The following ZNF572 variants were observed in gnomAD, a reference collection of about 807,000 sequenced individuals.
ZNF572 encodes the protein zinc finger protein 572.
ZNF572 carries 2 observed loss-of-function variants against 3.8 expected under a neutral mutation model. The ratio of observed to expected loss-of-function variants is 0.52; its 90% CI spans 0.21 to 1.65. The LOEUF (loss-of-function observed/expected upper bound fraction) is 1.65. Ranked by LOEUF, ZNF572 falls within the 40% of genes most tolerant of loss-of-function variation. The pLI is 0.20. For missense variants in ZNF572, 581 were observed against 633.4 expected (o/e 0.92, Z 0.89); for synonymous variants, 187 against 204.5 (o/e 0.91, Z 0.73).
chr8:124,976,771 G>C lies in ZNF572; in HGVS notation c.503G>C (p.Cys168Ser). The change falls in exon 3 of 3, where the codon TGT becomes TCT. Residue 168 changes from cysteine to serine, a missense_variant. Cys to Ser is a moderately radical substitution (Grantham distance 112). Transcript: ENST00000319286. ...TATAAATGCTCTGAGTGTGCAAAAT[G>C]TTTTTGTAACAGTTCTCACCTGATT... ...KPYKCSECAK[C>S]FCNSSHLIQH... 1 of 1,614,180 alleles carries C rather than the reference G, an allele frequency of 6.2e-7. No individual in the cohort carries two copies. Among genetic ancestry groups the C allele is most frequent in the Non-Finnish European group, 8.5e-7 (1 of 1,180,024 alleles).
intron 1 of ZNF572, among the ~76,000 whole-genome samples, chr8:124,974,525 A>G (rs1339005687): frequency 1.3e-5 from 2 of 152,242 alleles, no homozygotes; most frequent in Middle Eastern, 3.2e-3. Context: ...CAATATAAGT[A>G]CATATACTAT....
In ZNF572 at chr8:124,976,952, C is replaced by G; in HGVS notation, c.684C>G (p.Ser228Arg). ...AGTGTGGGAAGAGATTCAGCAGCAG[C>G]TCTCACCTTATTCAGCATCACAGAT... ...CPECGKRFSS[S>R]SHLIQHHRSH... is the part of the protein sequence containing the mutation. Residue 228 changes from serine (S) to arginine (R), a missense_variant, in exon 3 of 3, where the codon AGC (serine) becomes AGG (arginine). Physicochemically the swap from Ser to Arg is moderately radical, Grantham distance 110. Coordinates refer to ENST00000319286, the MANE Select transcript of ZNF572 (RefSeq NM_152412.3). The G allele has an allele frequency of 1.2e-6, 2 of 1,614,168 alleles. No homozygotes were observed. The highest frequency in any genetic ancestry group is 1.7e-6 in the Non-Finnish European group (2 of 1,180,026).
At position 124,977,211 on chromosome 8, in the gene ZNF572, C is replaced by G; in HGVS notation, c.943C>G (p.Leu315Val). ...CEKSFGCNST[L>V]IKHQRIHTGE... ...AAAAAGCTTTGGTTGTAATTCTACT[C>G]TAATAAAACATCAGAGAATACATAC... Residue 315 changes from leucine (L) to valine (V), a missense_variant, in exon 3 of 3, where the codon CTA (leucine) becomes GTA (valine). Transcript: ENST00000319286. The G allele has an allele frequency of 1.2e-6, 2 of 1,612,176 alleles. No homozygotes were observed. The highest frequency in any genetic ancestry group is 1.7e-6 in the Non-Finnish European group (2 of 1,180,014).
In ZNF572 at chr8:124,976,840, G is replaced by C. The variant is rs1157605022; in HGVS notation, c.572G>C (p.Gly191Ala). 5 of 1,611,896 alleles carry C rather than the reference G, an allele frequency of 3.1e-6. No individual in the cohort carries two copies. Among genetic ancestry groups the C allele is most frequent in the Non-Finnish European group, 4.2e-6 (5 of 1,179,306 alleles). The change falls in exon 3 of 3, where the codon GGT becomes GCT. Residue 191 changes from glycine (G) to alanine (A), a missense_variant. Physicochemically the swap from Gly to Ala is moderately conservative, Grantham distance 60 (BLOSUM62 0). Coordinates refer to ENST00000319286, the MANE Select transcript of ZNF572 (RefSeq NM_152412.3). The stretch of plus-strand genomic sequence containing the variant: ...ACAGGAGAGAAGCCCTACCAGTGTG[G>C]TGAATGTGGGAAAAGCTTCAGCAAT... ...MHTGEKPYQCGECGKSFSNTS... is the reference protein window; with the variant it reads ...MHTGEKPYQCAECGKSFSNTS...
rs749776801 is a variant in ZNF572, at chr8:124,977,122, C to A, written c.854C>A (p.Ser285Tyr). 2 of 1,608,784 alleles carry A rather than the reference C, an allele frequency of 1.2e-6. No individual in the cohort carries two copies. Among genetic ancestry groups the A allele is most frequent in the Non-Finnish European group, 1.7e-6 (2 of 1,179,976 alleles). The part of the protein sequence containing the change: ...PDCGKSFSQS[S>Y]SLIRHQRTHT... ...TGTGGGAAGAGTTTTAGTCAGAGTT[C>A]CAGCCTCATTCGCCACCAGCGGACA... Residue 285 changes from serine to tyrosine, a missense_variant, in exon 3 of 3, where the codon TCC becomes TAC. Transcript: ENST00000319286.
chr8:124,977,986 C>T lies in ZNF572; in HGVS notation c.*128C>T. 1 of 1,092,406 alleles carries T rather than the reference C, an allele frequency of 9.2e-7. No individual in the cohort carries two copies. The highest frequency in any genetic ancestry group is 1.3e-6 in the Non-Finnish European group (1 of 790,354). The allele number at this position is 1,092,406 out of a possible 1,614,324, so 67.7% of individuals were successfully genotyped here. A position where few individuals can be genotyped will look rare whatever the true frequency, so the allele number is the denominator to read the frequency against. Reference sequence around the variant, plus strand: ...CAAAACATTTGGAAAAAGTCAACCTCCCAGTTTAAAGGATGGGAAGACCCC... The same window carrying T: ...CAAAACATTTGGAAAAAGTCAACCTTCCAGTTTAAAGGATGGGAAGACCCC... On this transcript the variant is annotated 3_prime_UTR_variant, in exon 3 of 3. Transcript: ENST00000319286.
At chr8:124,973,460 A>G (rs1186819039) in intron 1 of ZNF572, 44 bp downstream of exon 1, 1 of 152,300 alleles carries the variant, frequency 6.6e-6, no homozygotes, top group African/African-American at 2.4e-5. Flanking sequence ...GTTGCGGGCT[A>G]GAGGAGTGGA....
At chr8:124,974,011 C>CT (rs1464754165) in intron 1 of ZNF572, among the ~76,000 whole-genome samples, 3 of 152,136 alleles carry the variant, frequency 2.0e-5, no homozygotes, top group South Asian at 2.1e-4. Flanking sequence ...CACCCCCTTC[C>CT]TTTTTTTGCA....
rs138574169 is a variant in ZNF572, at chr8:124,976,524, T to C, written c.256T>C (p.Tyr86His). 3 of 1,614,044 alleles carry C rather than the reference T, an allele frequency of 1.9e-6. No homozygotes were observed. Among genetic ancestry groups the C allele is most frequent in the African/African-American group, 2.7e-5 (2 of 74,928 alleles). Residue 86 changes from tyrosine (Y) to histidine (H), a missense_variant, in exon 3 of 3, where the codon TAT (tyrosine) becomes CAT (histidine). Physicochemically the swap from Tyr to His is moderately conservative, Grantham distance 83 (BLOSUM62 2). Coordinates refer to ENST00000319286, the MANE Select transcript of ZNF572 (RefSeq NM_152412.3). ...AGATGAGATTTGGTGTCATGATTCC[T>C]ATGAGAGTGATGGCAAGTCAGAGAA... ...VQDEIWCHDS[Y>H]ESDGKSENWG...
rs772982316 is a variant in ZNF572, at chr8:124,975,603, C to T, written c.-35-3C>T. ...TCCAAACATAATTTATTTCCTTCCA[C>T]AGGGTTTCTGATCTCTAACTTGGCT... On this transcript the variant is annotated splice_polypyrimidine_tract_variant and splice_region_variant and intron_variant, in intron 1 of 2. Coordinates refer to ENST00000319286, the MANE Select transcript of ZNF572 (RefSeq NM_152412.3). 6.5e-7 allele frequency: 1 copy of T among 1,527,670 alleles called. No homozygotes were observed. The highest frequency in any genetic ancestry group is 9.1e-7 in the Non-Finnish European group (1 of 1,101,938). 94.6% of individuals were successfully genotyped at this position (1,527,670 alleles called of 1,614,324 possible).
chr8:124,974,307 C>T (rs1202864550), intron 1 of ZNF572, among the ~76,000 whole-genome samples: 5 of 152,206 alleles, frequency 3.3e-5, no homozygotes, highest in Admixed American at 3.3e-4. Context: ...TGAAAAAGGT[C>T]AGCATCCAAA....
At chr8:124,973,904 G>T (rs1334081720) in intron 1 of ZNF572, among the ~76,000 whole-genome samples, 1 of 152,146 alleles carries the variant, frequency 6.6e-6, no homozygotes, top group Non-Finnish European at 1.5e-5. Context: ...TGGGGGAGAT[G>T]GTAATGTGTT....
Position 124,976,967 on chromosome 8 carries a change from G to A in ZNF572, c.699G>A (p.Gln233=), listed in dbSNP as rs374716833. ...KRFSSSSHLI[Q]HHRSHTGEKP... is the part of the protein sequence containing the mutation. Reference sequence around the variant, plus strand: ...TCAGCAGCAGCTCTCACCTTATTCAGCATCACAGATCACATACAGGTGAAA... The same window carrying A: ...TCAGCAGCAGCTCTCACCTTATTCAACATCACAGATCACATACAGGTGAAA... The change falls in exon 3 of 3, where the codon CAG becomes CAA. Residue 233 remains glutamine (Q), a synonymous_variant. Transcript: ENST00000319286. The A allele has an allele frequency of 6.2e-7, 1 of 1,614,004 alleles. No homozygotes were observed. Among genetic ancestry groups the A allele is most frequent in the African/African-American group, 1.3e-5 (1 of 74,902 alleles).
intron 1 of ZNF572, among the ~76,000 whole-genome samples, chr8:124,974,638 T>C (rs565191625): frequency 3.3e-5 from 5 of 152,332 alleles, no homozygotes; most frequent in African/African-American, 1.2e-4. Context: ...CAAAAGTCCA[T>C]ATGTCACTGC....
rs10107774 is a variant in ZNF572, at chr8:124,977,610, A to T, written c.1342A>T (p.Ser448Cys). The T allele has an allele frequency of 0.041, 66,453 of 1,614,150 alleles. 2,377 individuals carry two copies. Among genetic ancestry groups the T allele is most frequent in the African/African-American group, 0.19 (14,352 of 74,996 alleles). The change falls in exon 3 of 3, where the codon AGC becomes TGC. Residue 448 changes from serine (S) to cysteine (C), a missense_variant. Ser to Cys is a moderately radical substitution (Grantham distance 112, BLOSUM62 -1). Transcript: ENST00000319286. The part of the protein sequence containing the change: ...KPYKCPDCGE[S>C]FSQSFNLIRH... ...TTATAAATGTCCTGATTGTGGTGAA[A>T]GCTTCAGTCAGAGCTTTAACCTTAT...
Position 124,978,827 on chromosome 8 carries a change from T to C in ZNF572, c.*969T>C, listed in dbSNP as rs1814549871. 6.6e-6 allele frequency: 1 copy of C among 152,230 alleles called. No homozygotes were observed. Among genetic ancestry groups the C allele is most frequent in the Non-Finnish European group, 1.5e-5 (1 of 68,042 alleles). 9.4% of individuals were successfully genotyped at this position (152,230 alleles called of 1,614,324 possible). A position where few individuals can be genotyped will look rare whatever the true frequency, so the allele number is the denominator to read the frequency against. On this transcript the variant is annotated 3_prime_UTR_variant, in exon 3 of 3. Transcript: ENST00000319286. Reference sequence around the variant, plus strand: ...AATGAAGAGCCTTTTCCCTAAATTATCCCATTATGTAATTCTTGGTCAGCT... The same window carrying C: ...AATGAAGAGCCTTTTCCCTAAATTACCCCATTATGTAATTCTTGGTCAGCT...
At chr8:124,974,353 A>G (rs1588104242) in intron 1 of ZNF572, among the ~76,000 whole-genome samples, 1 of 152,332 alleles carries the variant, frequency 6.6e-6, no homozygotes, top group East Asian at 1.9e-4. Flanking sequence ...ACCACTTTCT[A>G]GGTGACCTTA....
At chr8:124,975,320 G>A (rs1330991732) in intron 1 of ZNF572, among the ~76,000 whole-genome samples, 1 of 152,166 alleles carries the variant, frequency 6.6e-6, no homozygotes, top group African/African-American at 2.4e-5. Context: ...TCTAAGCTAC[G>A]TGTGGACAAT....
In ZNF572 at chr8:124,977,278, T is replaced by G; in HGVS notation, c.1010T>G (p.Phe337Cys). ...PYQCPECGKNFSRSSNLITHQ... is the reference protein window; with the variant it reads ...PYQCPECGKNCSRSSNLITHQ... The stretch of plus-strand genomic sequence containing the variant: ...CAATGTCCAGAATGTGGGAAGAATT[T>G]TAGTCGTAGTTCAAACCTTATTACA... The change falls in exon 3 of 3, where the codon TTT (phenylalanine) becomes TGT (cysteine). Residue 337 changes from phenylalanine to cysteine, a missense_variant. Phe to Cys is a radical substitution (Grantham distance 205). Coordinates refer to ENST00000319286, the MANE Select transcript of ZNF572 (RefSeq NM_152412.3). 1.2e-6 allele frequency: 2 copies of G among 1,614,006 alleles called. No homozygotes were observed. Among genetic ancestry groups the G allele is most frequent in the Non-Finnish European group, 8.5e-7 (1 of 1,180,020 alleles).
Sources: gnomAD v4.1 joint callset for allele counts (sites outside exome capture counted in the v4.1 genomes callset) on GRCh38, gnomAD v4.1.1 for gene constraint, MANE v1.5 for transcripts, NCBI Gene and HGNC (gene_info 2026-07-23, HGNC 2026-07-21) for gene names.